The following DCC variants were observed in gnomAD, a reference collection of about 807,000 sequenced individuals.
The protein encoded by DCC is DCC netrin 1 receptor, also known as netrin receptor DCC.
Under a neutral mutation model 172.5 loss-of-function variants are expected in DCC, and 58 were observed. The observed-to-expected ratio is 0.34, with a 90% CI of 0.27 to 0.42. The LOEUF is 0.42. Among genes scored for constraint, DCC ranks in the 10% least tolerant of loss-of-function variants. DCC has a pLI of 1.00. For missense variants in DCC, 1,740 were observed against 1,791.0 expected (o/e 0.97, Z 0.51); for synonymous variants, 709 against 644.5 (o/e 1.10, Z -1.52).
chr18:53,389,508 T>C (rs1169596667), intron 16 of DCC, among the ~76,000 whole-genome samples: 1 of 152,194 alleles, frequency 6.6e-6, no homozygotes, highest in Non-Finnish European at 1.5e-5. Flanking sequence ...ACACAGGAAG[T>C]GAATTTTTTG....
At chr18:52,657,353 A>T (rs2035275134) in intron 1 of DCC, among the ~76,000 whole-genome samples, 1 of 152,206 alleles carries the variant, frequency 6.6e-6, no homozygotes, top group Non-Finnish European at 1.5e-5. Context: ...GGCTGTGGCT[A>T]CATTTCGCCA....
chr18:53,130,116 C>T (rs999879987), intron 7 of DCC, among the ~76,000 whole-genome samples: 2 of 152,058 alleles, frequency 1.3e-5, no homozygotes, highest in African/African-American at 2.4e-5. Flanking sequence ...TTGTAGGAAG[C>T]GTTCCTCAGA....
chr18:53,262,868 A>T (rs1222173107), intron 12 of DCC, among the ~76,000 whole-genome samples: 1 of 152,226 alleles, frequency 6.6e-6, no homozygotes, highest in African/African-American at 2.4e-5. Context: ...AATTAATTTC[A>T]TGATATTTTC....
rs182967460 is a variant in DCC at position 52,888,312 on chromosome 18, A to C, written c.413-17732A>C. On this transcript the variant is annotated intron_variant, in intron 2 of 28. Transcript: ENST00000442544. ...TGATTTCTGTATTAACAACAAGGACAAAACAGTATGTGGTCTTCTCAGTGG... is the reference window on the plus strand; with the variant it reads ...TGATTTCTGTATTAACAACAAGGACCAAACAGTATGTGGTCTTCTCAGTGG... Among the ~76,000 whole-genome samples, 117 of 152,362 alleles carry C rather than the reference A, an allele frequency of 7.7e-4. 1 individual carries two copies. Among genetic ancestry groups the C allele is most frequent in the Admixed American group, 1.0e-3 (16 of 15,302 alleles).
chr18:53,301,000 T>TTTCTTTCTTTCTTTC (rs1413588962), intron 12 of DCC, among the ~76,000 whole-genome samples: 10 of 103,014 alleles, frequency 9.7e-5, no homozygotes, highest in Admixed American at 2.1e-4. Flanking sequence ...TTTTTTTTTC[T>TTTCTTTCTTTCTTTC]TTTCTTTCTT....
chr18:53,508,567 C>CACTT (rs1343144515), intron 27 of DCC, among the ~76,000 whole-genome samples: 1 of 152,128 alleles, frequency 6.6e-6, no homozygotes, highest in Non-Finnish European at 1.5e-5. Context: ...TTTAGTGTTG[C>CACTT]ACTTAAAAGA....
At chr18:52,611,535 C>T (rs1017350032) in intron 1 of DCC, among the ~76,000 whole-genome samples, 2 of 152,140 alleles carry the variant, frequency 1.3e-5, no homozygotes, top group Non-Finnish European at 1.5e-5. Context: ...CTGATGTATG[C>T]AGAGATAGTC....
chr18:52,560,662 C>A (rs953668701), intron 1 of DCC, among the ~76,000 whole-genome samples: 4 of 152,144 alleles, frequency 2.6e-5, no homozygotes, highest in Non-Finnish European at 5.9e-5. Context: ...CACTTAAAAA[C>A]CTATACACCA....
chr18:52,950,085 C>T (rs568539578), intron 5 of DCC, among the ~76,000 whole-genome samples: 17 of 152,240 alleles, frequency 1.1e-4, no homozygotes, highest in Admixed American at 3.3e-4. Context: ...CTTAAACTTT[C>T]CATTTCTATA....
intron 1 of DCC, among the ~76,000 whole-genome samples, chr18:52,600,840 GCTTGAATAACAT>G (rs2034002269): frequency 1.3e-5 from 2 of 152,056 alleles, no homozygotes; most frequent in African/African-American, 4.8e-5. Context: ...ACTAACAATA[GCTTGAATAACAT>G]TTGTGGCTTG....
At chr18:52,977,230 A>C (rs1373307896) in intron 5 of DCC, among the ~76,000 whole-genome samples, 2 of 152,162 alleles carry the variant, frequency 1.3e-5, no homozygotes, top group African/African-American at 4.8e-5. Flanking sequence ...AGTGTCTTAT[A>C]ATGTGCTCAT....
intron 1 of DCC, among the ~76,000 whole-genome samples, chr18:52,625,179 T>A (rs2034550942): frequency 6.6e-6 from 1 of 152,152 alleles, no homozygotes; most frequent in African/African-American, 2.4e-5. Context: ...GCAGACTCCA[T>A]CATTTATGCA....
chr18:53,208,121 T>TC (rs2055684228), intron 11 of DCC, among the ~76,000 whole-genome samples: 1 of 151,108 alleles, frequency 6.6e-6, no homozygotes, highest in South Asian at 2.1e-4. Context: ...TTTTTTTTTT[T>TC]TTAATTAACT....
At chr18:53,378,444 T>C (rs559226643) in intron 15 of DCC, among the ~76,000 whole-genome samples, 12 of 152,264 alleles carry the variant, frequency 7.9e-5, no homozygotes, top group Admixed American at 7.8e-4. Flanking sequence ...AGGATGAAGA[T>C]TGAATGTGAA....
At chr18:53,206,396 TACATATATGTATTGTAAC>T (rs1261486732) in intron 10 of DCC, among the ~76,000 whole-genome samples, 82 of 70,694 alleles carry the variant, frequency 1.2e-3, no homozygotes, top group African/African-American at 4.2e-3. Flanking sequence ...TATGTATATA[TACATATATGTATTGTAAC>T]ACATATATGT....
chr18:53,519,930 A>G (rs1017044286), intron 27 of DCC, among the ~76,000 whole-genome samples: 3 of 152,070 alleles, frequency 2.0e-5, no homozygotes, highest in Non-Finnish European at 2.9e-5. Flanking sequence ...CATAATTTCT[A>G]TTAGTTCTTG....
intron 21 of DCC, among the ~76,000 whole-genome samples, chr18:53,425,199 T>C (rs1249043394): frequency 6.6e-6 from 1 of 151,822 alleles, no homozygotes; most frequent in Non-Finnish European, 1.5e-5. Context: ...GGAAACTATT[T>C]TTCATTCTCT....
intron 15 of DCC, among the ~76,000 whole-genome samples, chr18:53,351,351 A>T (rs1445350133): frequency 4.6e-4 from 27 of 58,320 alleles, no homozygotes; most frequent in Non-Finnish European, 9.6e-4. Context: ...ATATATATAC[A>T]CAGTATATAT....
At chr18:52,432,699 A>G (rs987852912) in intron 1 of DCC, among the ~76,000 whole-genome samples, 3 of 152,198 alleles carry the variant, frequency 2.0e-5, no homozygotes, top group Non-Finnish European at 2.9e-5. Flanking sequence ...AAGGAGTTTA[A>G]TACTTGATAA....
Sources: allele counts gnomAD v4.1 joint callset (sites outside exome capture counted in the v4.1 genomes callset), GRCh38; gene constraint gnomAD v4.1.1; transcripts MANE v1.5; gene names NCBI Gene and HGNC (gene_info 2026-07-23, HGNC 2026-07-21).